FOCAD: variants seen among roughly 807,000 people sequenced by gnomAD.
The protein encoded by FOCAD is focadhesin.
FOCAD carries 198 observed loss-of-function variants against 225.6 expected under a neutral mutation model. The observed-to-expected ratio is 0.88, with a 90% CI of 0.78 to 0.99. FOCAD has a LOEUF of 0.99. Among genes scored for constraint, FOCAD ranks in the 50% least tolerant of loss-of-function variants. FOCAD has a pLI of 0.00. For missense variants in FOCAD, 2,713 were observed against 2,123.6 expected, an observed-to-expected ratio of 1.28 and a Z score of -5.46; for synonymous variants, 897 against 755.0, an observed-to-expected ratio of 1.19 and a Z score of -3.08.
chr9:20,845,474 G>A (rs1181076360), intron 15 of FOCAD, among the ~76,000 whole-genome samples: 1 of 81,092 alleles, frequency 1.2e-5, no homozygotes, highest in Non-Finnish European at 2.5e-5. Context: ...TATGACACGT[G>A]GTATATCATT....
rs565317623 is a variant in FOCAD, at chr9:20,706,695, G to C, written c.-32-8627G>C. 5.3e-5 allele frequency among the ~76,000 whole-genome samples: 8 copies of C among 152,318 alleles called. No individual in the cohort carries two copies. The East Asian group carries it at 1.5e-3, about 29-fold the overall frequency. On this transcript the variant is annotated intron_variant, in intron 1 of 43. Transcript: ENST00000338382. Reference sequence around the variant, plus strand: ...TTTCTCTAGTGAAAATATGTAGGGAGGGAGATGATGTTAGGTCCATTATAT... The same window carrying C: ...TTTCTCTAGTGAAAATATGTAGGGACGGAGATGATGTTAGGTCCATTATAT...
At chr9:20,895,027 C>G (rs1205260371) in intron 21 of FOCAD, among the ~76,000 whole-genome samples, 1 of 151,886 alleles carries the variant, frequency 6.6e-6, no homozygotes, top group Non-Finnish European at 1.5e-5. Flanking sequence ...GGTCTAGATT[C>G]TTTTTATTTT....
intron 34 of FOCAD, among the ~76,000 whole-genome samples, chr9:20,951,645 A>T (rs1360295832): frequency 6.6e-6 from 1 of 152,216 alleles, no homozygotes; most frequent in Non-Finnish European, 1.5e-5. Flanking sequence ...GTACCTTCTT[A>T]GCCTTGGAAT....
chr9:20,732,107 A>C (rs1432831946), intron 4 of FOCAD, among the ~76,000 whole-genome samples: 1 of 152,124 alleles, frequency 6.6e-6, no homozygotes, highest in South Asian at 2.1e-4. Context: ...TCTCCTGAGT[A>C]TATTTATTAT....
At chr9:20,980,511 G>A (rs895732209) in intron 37 of FOCAD, among the ~76,000 whole-genome samples, 1 of 149,156 alleles carries the variant, frequency 6.7e-6, no homozygotes, top group Non-Finnish European at 1.5e-5. Context: ...AATAAATTAA[G>A]TTTGTGAGTT....
chr9:20,809,081 A>G (rs1028162640), intron 11 of FOCAD, among the ~76,000 whole-genome samples: 2 of 152,270 alleles, frequency 1.3e-5, no homozygotes, highest in South Asian at 2.1e-4. Flanking sequence ...TGTTATGGCC[A>G]TTTTACCACA....
intron 8 of FOCAD, among the ~76,000 whole-genome samples, chr9:20,775,483 C>T (rs1310089280): frequency 1.3e-5 from 2 of 152,302 alleles, no homozygotes; most frequent in East Asian, 3.9e-4. Context: ...GAAAAATGAT[C>T]TGTTTGGCCC....
intron 31 of FOCAD, 55 bp downstream of exon 31, chr9:20,948,448 C>T: frequency 6.3e-7 from 1 of 1,575,278 alleles, no homozygotes; most frequent in Non-Finnish European, 8.6e-7. Flanking sequence ...AAAAGAACTA[C>T]TTTATTGGAT....
intron 30 of FOCAD, 137 bp from the exon 31 acceptor site, chr9:20,948,134 T>C: frequency 2.3e-6 from 2 of 888,458 alleles, no homozygotes; most frequent in Non-Finnish European, 3.2e-6. Flanking sequence ...CACTTAAGTC[T>C]GATTTTTCAT....
intron 8 of FOCAD, among the ~76,000 whole-genome samples, chr9:20,774,898 C>T (rs1264282406): frequency 6.6e-6 from 1 of 151,958 alleles, no homozygotes; most frequent in African/African-American, 2.4e-5. Context: ...GTTTTCTGTC[C>T]CCCATCCCCA....
At chr9:20,782,046 C>A (rs905015360) in intron 10 of FOCAD, 117 bp downstream of exon 10, 5 of 815,104 alleles carry the variant, frequency 6.1e-6, no homozygotes, top group Non-Finnish European at 1.0e-5. Flanking sequence ...ACCATTCAGT[C>A]AGGTAGTGCT....
chr9:20,740,189 T>C lies in FOCAD; in HGVS notation c.288-47T>C. On this transcript the variant is annotated intron_variant, in intron 4 of 43. Coordinates refer to ENST00000338382, the MANE Select transcript of FOCAD (RefSeq NM_001375567.1). Reference sequence around the variant, plus strand: ...GATAGGATTAAGCACCTGATTAGAATATTCACTTTTTATCTATAACATTTA... The same window carrying C: ...GATAGGATTAAGCACCTGATTAGAACATTCACTTTTTATCTATAACATTTA... 2 of 1,194,772 alleles carry C rather than the reference T, an allele frequency of 1.7e-6. 1 individual carries two copies. Among genetic ancestry groups the C allele is most frequent in the South Asian group, 2.6e-5 (2 of 77,832 alleles). The allele number at this position is 1,194,772 out of a possible 1,614,324, so 74.0% of individuals were successfully genotyped here. A position where few individuals can be genotyped will look rare whatever the true frequency, so the allele number is the denominator to read the frequency against.
chr9:20,835,719 A>G (rs552687169), intron 15 of FOCAD, among the ~76,000 whole-genome samples: 6 of 152,174 alleles, frequency 3.9e-5, no homozygotes, highest in Non-Finnish European at 7.4e-5. Flanking sequence ...TTGTCTCCCA[A>G]AGTCTTGAGA....
intron 1 of FOCAD, among the ~76,000 whole-genome samples, chr9:20,700,526 C>T (rs879312141): frequency 7.5e-5 from 11 of 147,368 alleles, no homozygotes; most frequent in South Asian, 2.1e-4. Context: ...AAAAATGATT[C>T]GCCTAGTTAA....
chr9:20,746,055 C>T (rs1360319136), intron 5 of FOCAD, among the ~76,000 whole-genome samples: 1 of 152,086 alleles, frequency 6.6e-6, no homozygotes, highest in Non-Finnish European at 1.5e-5. Flanking sequence ...CAAATGTGTT[C>T]ATCACTTAAG....
Position 20,736,728 on chromosome 9 carries a change from A to G in FOCAD, c.288-3508A>G, listed in dbSNP as rs376366113. On this transcript the variant is annotated intron_variant, in intron 4 of 43. Transcript: ENST00000338382. ...AAAGCATGTAATTTACTGACATACT[A>G]TTCTTTATTTTTTAAAACAACGTAA... Among the ~76,000 whole-genome samples the G allele has an allele frequency of 2.1e-4, 32 of 152,210 alleles. No individual in the cohort carries two copies. The East Asian group carries it at 3.1e-3, about 15-fold the overall frequency.
chr9:20,822,916 T>A, intron 14 of FOCAD, 73 bp from the exon 15 acceptor site: 1 of 1,423,026 alleles, frequency 7.0e-7, no homozygotes, highest in Non-Finnish European at 9.3e-7. Flanking sequence ...ATGCTTTTTG[T>A]TTAGGCAAAA....
intron 18 of FOCAD, among the ~76,000 whole-genome samples, chr9:20,872,003 A>G (rs1174244749): frequency 2.6e-5 from 4 of 152,002 alleles, no homozygotes; most frequent in African/African-American, 7.2e-5. Context: ...AATAAGTGCT[A>G]ATTTGTCCAG....
intron 4 of FOCAD, among the ~76,000 whole-genome samples, chr9:20,722,346 G>A (rs998709393): frequency 6.6e-6 from 1 of 152,076 alleles, no homozygotes; most frequent in Non-Finnish European, 1.5e-5. Context: ...GTCTTCCTGA[G>A]CCCTTGTGTG....
Sources: allele counts gnomAD v4.1 joint callset (sites outside exome capture counted in the v4.1 genomes callset), GRCh38; gene constraint gnomAD v4.1.1; transcripts MANE v1.5; gene names NCBI Gene and HGNC (gene_info 2026-07-23, HGNC 2026-07-21).